Variants in OPHN1 observed in about 807,000 individuals in gnomAD.
The protein encoded by OPHN1 is oligophrenin 1.
OPHN1 carries 11 observed loss-of-function variants against 60.7 expected under a neutral mutation model. That is an observed-to-expected ratio of 0.18 (90% CI 0.11 to 0.30). OPHN1 has a LOEUF of 0.30. Ranked by LOEUF, OPHN1 falls within the 10% of genes least tolerant of loss-of-function variation. OPHN1 has a pLI of 1.00. For synonymous variants in OPHN1, 226 were observed against 222.6 expected (o/e 1.02, Z -0.14); for missense variants, 449 against 611.0 (o/e 0.73, Z 2.80).
intron 6 of OPHN1, among the ~76,000 whole-genome samples, chrX:68,233,295 T>G (rs1021884527): frequency 8.9e-6 from 1 of 112,013 alleles, no homozygotes; most frequent in East Asian, 2.8e-4. Context: ...ATGAAACCAG[T>G]TATCAGGAGA....
Position 68,043,113 on chromosome X carries a change from T to C in OPHN1, c.*4059A>G, listed in dbSNP as rs1259986606. 2 of 32,282 alleles carry C rather than the reference T, an allele frequency of 6.2e-5. No homozygotes were observed. Among genetic ancestry groups the C allele is most frequent in the Non-Finnish European group, 5.2e-5 (1 of 19,077 alleles). The allele number at this position is 32,282 out of a possible 1,213,427, so 2.7% of individuals were successfully genotyped here. A position where few individuals can be genotyped will look rare whatever the true frequency, so the allele number is the denominator to read the frequency against. On this transcript the variant is annotated 3_prime_UTR_variant, in exon 25 of 25. Transcript: ENST00000355520. ...GGAAACCATCATTCTCAGTAAACTA[T>C]CGCAAGAACAAAAAACCAAACACCG...
At chrX:68,412,273 A>G (rs1470432747) in intron 2 of OPHN1, among the ~76,000 whole-genome samples, 1 of 112,227 alleles carries the variant, frequency 8.9e-6, no homozygotes, top group Non-Finnish European at 1.9e-5. Context: ...CTGAACAGTC[A>G]TCTTAAAATA....
At chrX:68,116,772 A>G in intron 16 of OPHN1, among the ~76,000 whole-genome samples, 1 of 111,517 alleles carries the variant, frequency 9.0e-6, no homozygotes, top group Non-Finnish European at 1.9e-5. Context: ...CATGACCATC[A>G]TTTGGTTGTA....
intron 6 of OPHN1, among the ~76,000 whole-genome samples, chrX:68,218,567 T>C (rs1312988435): frequency 1.8e-5 from 2 of 110,502 alleles, no homozygotes; most frequent in Non-Finnish European, 3.8e-5. Context: ...CCCATCAGAC[T>C]AACAGCGGAT....
rs1382131258 is a variant in OPHN1 at position 68,141,949 on chromosome X, AAAGAAAGAAAG to A, written c.1277-22628_1277-22618del. ...GAAAGAAAGAAAGAAAGAAAGAAAGAAAGAAAGAAAGAAGAGAGGCAAGAGCCAAGACGGAA... is the reference window on the plus strand; with the variant it reads ...GAAAGAAAGAAAGAAAGAAAGAAAGAAAGAGAGGCAAGAGCCAAGACGGAA... On this transcript the variant is annotated intron_variant, in intron 15 of 24. Transcript: ENST00000355520. Among the ~76,000 whole-genome samples, 7 of 75,351 alleles carry A rather than the reference AAAGAAAGAAAG, an allele frequency of 9.3e-5. No homozygotes were observed. In the East Asian group the frequency reaches 1.8e-3, roughly 20 times the overall value. 65.4% of individuals were successfully genotyped at this position (75,351 alleles called of 115,157 possible).
chrX:68,171,758 G>GA (rs1283491281), intron 15 of OPHN1, among the ~76,000 whole-genome samples: 2 of 109,870 alleles, frequency 1.8e-5, no homozygotes, highest in Non-Finnish European at 3.8e-5. Flanking sequence ...AAAAAGAAAA[G>GA]AAAAAACAGA....
chrX:68,308,337 T>A (rs2078155989), intron 2 of OPHN1, among the ~76,000 whole-genome samples: 2 of 111,892 alleles, frequency 1.8e-5, no homozygotes, highest in Admixed American at 9.5e-5. Flanking sequence ...ACGCCTGTAA[T>A]CCCAGCACTT....
chrX:68,187,413 G>A (rs1428714144), intron 15 of OPHN1, among the ~76,000 whole-genome samples: 1 of 108,915 alleles, frequency 9.2e-6, no homozygotes, highest in Non-Finnish European at 1.9e-5. Context: ...AGTGATGGCA[G>A]CATGAGAGGG....
chrX:68,409,673 C>A (rs1174864132), intron 2 of OPHN1, among the ~76,000 whole-genome samples: 1 of 111,718 alleles, frequency 9.0e-6, no homozygotes, highest in Non-Finnish European at 1.9e-5. Flanking sequence ...GGGCTGAGGG[C>A]TGAAAATACA....
intron 19 of OPHN1, among the ~76,000 whole-genome samples, chrX:68,083,361 C>T (rs371906817): frequency 1.0e-4 from 11 of 110,319 alleles, no homozygotes; most frequent in East Asian, 8.7e-4. Flanking sequence ...CGTGAGCCAC[C>T]GCGCCCGGCC....
chrX:68,176,644 A>T (rs916139357), intron 15 of OPHN1, among the ~76,000 whole-genome samples: 1 of 111,842 alleles, frequency 8.9e-6, no homozygotes, highest in Non-Finnish European at 1.9e-5. Context: ...AAAAAACTAG[A>T]AACAGAATTA....
intron 6 of OPHN1, among the ~76,000 whole-genome samples, chrX:68,215,168 T>C (rs1015163824): frequency 8.1e-5 from 9 of 111,153 alleles, no homozygotes; most frequent in African/African-American, 2.6e-4. Context: ...AAAAACACTG[T>C]AGCAGAAATG....
chrX:68,136,291 C>CTTTTTT (rs779712280), intron 15 of OPHN1, among the ~76,000 whole-genome samples: 270 of 63,994 alleles, frequency 4.2e-3, no homozygotes, highest in African/African-American at 0.013. Flanking sequence ...AATATCTTTT[C>CTTTTTT]TTTTTTTTTT....
chrX:68,165,794 T>G (rs2077355441), intron 15 of OPHN1, among the ~76,000 whole-genome samples: 1 of 112,116 alleles, frequency 8.9e-6, no homozygotes, highest in Non-Finnish European at 1.9e-5. Context: ...AGAATAAAGC[T>G]AAGTGTACTA....
chrX:68,319,900 T>C (rs746866476), intron 2 of OPHN1, among the ~76,000 whole-genome samples: 14 of 110,456 alleles, frequency 1.3e-4, no homozygotes, highest in East Asian at 5.7e-4. Context: ...AAATTCTTTA[T>C]ACATATAAAG....
intron 2 of OPHN1, among the ~76,000 whole-genome samples, chrX:68,384,622 T>A (rs1218719952): frequency 9.1e-6 from 1 of 109,725 alleles, no homozygotes; most frequent in Non-Finnish European, 1.9e-5. Context: ...CTCGGAAGGC[T>A]GAGGCTGGAA....
intron 2 of OPHN1, among the ~76,000 whole-genome samples, chrX:68,374,733 TTTA>T (rs2078547443): frequency 8.9e-6 from 1 of 112,453 alleles, no homozygotes; most frequent in African/African-American, 3.2e-5. Flanking sequence ...TTCACTAAAC[TTTA>T]TTATTTTGTT....
At chrX:68,212,984 T>C (rs1383166109) in intron 7 of OPHN1, among the ~76,000 whole-genome samples, 1 of 112,412 alleles carries the variant, frequency 8.9e-6, no homozygotes, top group Non-Finnish European at 1.9e-5. Flanking sequence ...CTAAACCAAC[T>C]TTAAAATTAG....
At chrX:68,202,693 C>T (rs894023526) in intron 10 of OPHN1, among the ~76,000 whole-genome samples, 3 of 109,198 alleles carry the variant, frequency 2.7e-5, no homozygotes, top group Non-Finnish European at 5.7e-5. Flanking sequence ...GACGGGATTT[C>T]ACCATGTTGG....
Sources: gnomAD v4.1 joint callset for allele counts (sites outside exome capture counted in the v4.1 genomes callset) on GRCh38, gnomAD v4.1.1 for gene constraint, MANE v1.5 for transcripts, NCBI Gene and HGNC (gene_info 2026-07-23, HGNC 2026-07-21) for gene names.